RFTN2: variants seen among roughly 807,000 people sequenced by gnomAD.
RFTN2 encodes the protein raftlin family member 2.
Under a neutral mutation model 52.7 loss-of-function variants are expected in RFTN2, and 34 were observed. The ratio of observed to expected loss-of-function variants is 0.64; its 90% confidence interval spans 0.49 to 0.86. RFTN2 has a LOEUF of 0.86. Among genes scored for constraint, RFTN2 ranks in the 40% least tolerant of loss-of-function variants. The pLI, the probability that RFTN2 is intolerant of heterozygous loss-of-function variation, is 0.00. For missense variants in RFTN2, 536 were observed against 600.1 expected (o/e 0.89, Z 1.12); for synonymous variants, 203 against 217.7 (o/e 0.93, Z 0.59).
intron 7 of RFTN2, among the ~76,000 whole-genome samples, chr2:197,607,903 T>A (rs1326825647): frequency 1.3e-5 from 2 of 152,196 alleles, no homozygotes; most frequent in Non-Finnish European, 2.9e-5. Context: ...CGATGGTAAC[T>A]GGAAGTATAT....
At chr2:197,632,024 T>G (rs1021400792) in intron 4 of RFTN2, among the ~76,000 whole-genome samples, 1 of 152,166 alleles carries the variant, frequency 6.6e-6, no homozygotes, top group African/African-American at 2.4e-5. Context: ...AGTACATACT[T>G]TAAAAATACT....
intron 1 of RFTN2, among the ~76,000 whole-genome samples, chr2:197,669,148 C>A (rs561269218): frequency 1.3e-5 from 2 of 152,302 alleles, no homozygotes; most frequent in East Asian, 3.8e-4. Context: ...CAATAAAATT[C>A]TATTGAACTA....
In RFTN2 at chr2:197,618,404, C is replaced by A. The variant is rs1280851215; in HGVS notation, c.929-483G>T. ...CACTCAGTGCTCAATGGTGCCCAGG[C>A]TGGAGTGCAGTGGCATGATCTCGGC... On this transcript the variant is annotated intron_variant, in intron 5 of 8. Coordinates refer to ENST00000295049, the MANE Select transcript of RFTN2 (RefSeq NM_144629.3). Among the ~76,000 whole-genome samples the A allele has an allele frequency of 2.6e-5, 4 of 152,228 alleles. No individual in the cohort carries two copies. The East Asian group carries it at 7.7e-4, about 29-fold the overall frequency.
chr2:197,588,615 G>A (rs771211384), intron 8 of RFTN2, among the ~76,000 whole-genome samples: 2 of 152,196 alleles, frequency 1.3e-5, no homozygotes, highest in Non-Finnish European at 2.9e-5. Context: ...AGGTGATTAC[G>A]AACAGAGCTG....
At chr2:197,580,047 C>T (rs2106166266) in intron 8 of RFTN2, among the ~76,000 whole-genome samples, 1 of 152,216 alleles carries the variant, frequency 6.6e-6, no homozygotes, top group South Asian at 2.1e-4. Flanking sequence ...ATTAAAAAAC[C>T]CAGCCCAGTT....
At chr2:197,611,297 A>G (rs2088056022) in intron 7 of RFTN2, among the ~76,000 whole-genome samples, 1 of 152,124 alleles carries the variant, frequency 6.6e-6, no homozygotes, top group Non-Finnish European at 1.5e-5. Flanking sequence ...AGAACCTGTT[A>G]GTGGTCTAGT....
chr2:197,644,278 A>G lies in RFTN2; in HGVS notation c.324-6T>C, dbSNP rs2088717069. 3 of 1,516,438 alleles carry G rather than the reference A, an allele frequency of 2.0e-6. No individual in the cohort carries two copies. In the South Asian group the frequency reaches 3.4e-5, roughly 17 times the overall value. The allele number at this position is 1,516,438 out of a possible 1,614,324, so 93.9% of individuals were successfully genotyped here. ...GTGCTGCCGAATTCTTTGGGCTGTA[A>G]CAGAGGGAATATGTTTATGGTTGGA... On this transcript the variant is annotated splice_region_variant and splice_polypyrimidine_tract_variant and intron_variant, in intron 2 of 8. Coordinates refer to ENST00000295049, the MANE Select transcript of RFTN2 (RefSeq NM_144629.3).
chr2:197,626,617 CTT>C (rs71012985), intron 5 of RFTN2, among the ~76,000 whole-genome samples: 30 of 90,954 alleles, frequency 3.3e-4, no homozygotes, highest in East Asian at 1.8e-3. Flanking sequence ...GAATAATCTT[CTT>C]TTTTTTTTTT....
chr2:197,653,197 G>T (rs2088847700), intron 1 of RFTN2, among the ~76,000 whole-genome samples: 1 of 152,190 alleles, frequency 6.6e-6, no homozygotes, highest in African/African-American at 2.4e-5. Flanking sequence ...GTATTGCCTA[G>T]CAGACAGATG....
intron 3 of RFTN2, among the ~76,000 whole-genome samples, chr2:197,636,779 G>C (rs1173775039): frequency 6.7e-6 from 1 of 149,082 alleles, no homozygotes; most frequent in Non-Finnish European, 1.5e-5. Flanking sequence ...ACACTATGTT[G>C]AATAGGAGCG....
chr2:197,658,494 C>T (rs1044177868), intron 1 of RFTN2, among the ~76,000 whole-genome samples: 2 of 151,538 alleles, frequency 1.3e-5, no homozygotes, highest in African/African-American at 4.9e-5. Flanking sequence ...TCCATGTTGC[C>T]CAGGCTGGTC....
intron 6 of RFTN2, among the ~76,000 whole-genome samples, chr2:197,617,446 A>C (rs1396352171): frequency 6.6e-6 from 1 of 152,204 alleles, no homozygotes; most frequent in Non-Finnish European, 1.5e-5. Flanking sequence ...TGTGCCAGGC[A>C]CTGAAGATCT....
chr2:197,673,382 G>A (rs980338296), intron 1 of RFTN2, among the ~76,000 whole-genome samples: 1 of 152,216 alleles, frequency 6.6e-6, no homozygotes, highest in South Asian at 2.1e-4. Context: ...AGTTTGCGGA[G>A]TTGGGCTGAT....
chr2:197,599,411 G>C (rs1394459108), intron 7 of RFTN2, among the ~76,000 whole-genome samples: 1 of 152,178 alleles, frequency 6.6e-6, no homozygotes, highest in African/African-American at 2.4e-5. Context: ...TGGGCGAGGA[G>C]TTACTTACTC....
chr2:197,601,230 T>C (rs2087875536), intron 7 of RFTN2, among the ~76,000 whole-genome samples: 1 of 152,206 alleles, frequency 6.6e-6, no homozygotes, highest in South Asian at 2.1e-4. Context: ...ATGCATTTCA[T>C]AAGAAAGCAC....
At chr2:197,636,057 G>A (rs1235688004) in intron 3 of RFTN2, among the ~76,000 whole-genome samples, 1 of 149,610 alleles carries the variant, frequency 6.7e-6, no homozygotes, top group Non-Finnish European at 1.5e-5. Flanking sequence ...TAGATATGCG[G>A]CGTTATTTCT....
At chr2:197,632,909 G>A (rs531982796) in intron 4 of RFTN2, among the ~76,000 whole-genome samples, 36 of 152,282 alleles carry the variant, frequency 2.4e-4, no homozygotes, top group Middle Eastern at 3.4e-3. Flanking sequence ...TTCTGTACCA[G>A]GCACTGGGTC....
intron 1 of RFTN2, among the ~76,000 whole-genome samples, chr2:197,670,467 G>A (rs931944103): frequency 1.3e-5 from 2 of 152,034 alleles, no homozygotes; most frequent in Non-Finnish European, 2.9e-5. Flanking sequence ...TACCCACACT[G>A]GTGTTTAAGA....
chr2:197,623,828 CT>C (rs2088307535), intron 5 of RFTN2, among the ~76,000 whole-genome samples: 1 of 152,084 alleles, frequency 6.6e-6, no homozygotes, highest in Non-Finnish European at 1.5e-5. Context: ...CTACGTCTGG[CT>C]AATTTTGTAT....
Sources: allele counts gnomAD v4.1 joint callset (sites outside exome capture counted in the v4.1 genomes callset), GRCh38; gene constraint gnomAD v4.1.1; transcripts MANE v1.5; gene names NCBI Gene and HGNC (gene_info 2026-07-23, HGNC 2026-07-21).